TNFRSF11B: variants seen among roughly 807,000 people sequenced by gnomAD.
TNFRSF11B encodes TNF receptor superfamily member 11b, also known as tumor necrosis factor receptor superfamily member 11B.
A neutral mutation model predicts 43.4 loss-of-function variants in TNFRSF11B; 16 were observed. The ratio of observed to expected loss-of-function variants is 0.37; its 90% confidence interval spans 0.25 to 0.56. The LOEUF is 0.56. Ranked by LOEUF, TNFRSF11B falls within the 20% of genes least tolerant of loss-of-function variation. The pLI is 0.80. For synonymous variants in TNFRSF11B, 185 were observed against 181.8 expected, an observed-to-expected ratio of 1.02 and a Z score of -0.14; for missense variants, 444 against 490.1, an observed-to-expected ratio of 0.91 and a Z score of 0.89.
intron 1 of TNFRSF11B, among the ~76,000 whole-genome samples, chr8:118,941,105 G>A (rs1812478244): frequency 6.6e-6 from 1 of 152,162 alleles, no homozygotes; most frequent in South Asian, 2.1e-4. Context: ...AAATGATAGT[G>A]ATGACCGAAT....
At chr8:118,942,246 G>A (rs1302905976) in intron 1 of TNFRSF11B, among the ~76,000 whole-genome samples, 2 of 113,112 alleles carry the variant, frequency 1.8e-5, no homozygotes, top group East Asian at 5.0e-4. Flanking sequence ...AGGCCCCCCC[G>A]TGTGTGATGT....
chr8:118,925,154 G>A (rs1028955381), intron 4 of TNFRSF11B, among the ~76,000 whole-genome samples: 7 of 152,152 alleles, frequency 4.6e-5, no homozygotes, highest in Admixed American at 1.3e-4. Context: ...ATTAGTAGGC[G>A]CTAGTTGATA....
chr8:118,944,500 G>A (rs1281717625), intron 1 of TNFRSF11B, among the ~76,000 whole-genome samples: 1 of 152,128 alleles, frequency 6.6e-6, no homozygotes, highest in African/African-American at 2.4e-5. Context: ...CAAGCTTCTG[G>A]AAGGCAGAAG....
chr8:118,951,833 G>A lies in TNFRSF11B; in HGVS notation c.-12C>T. The A allele has an allele frequency of 6.3e-7, 1 of 1,586,316 alleles. No homozygotes were observed. Among genetic ancestry groups the A allele is most frequent in the Non-Finnish European group, 8.6e-7 (1 of 1,166,208 alleles). On this transcript the variant is annotated 5_prime_UTR_variant, in exon 1 of 5. Coordinates refer to ENST00000297350, the MANE Select transcript of TNFRSF11B (RefSeq NM_002546.4). The stretch of plus-strand genomic sequence containing the variant: ...AGCAAGTTGTTCATTGTGGTCCCCG[G>A]AAACCTCAGGGGCTTGGAGGCGGCG...
chr8:118,940,776 C>T (rs776693009), intron 1 of TNFRSF11B, among the ~76,000 whole-genome samples: 1 of 152,102 alleles, frequency 6.6e-6, no homozygotes, highest in Non-Finnish European at 1.5e-5. Flanking sequence ...GCACCTTGGA[C>T]ATGTTGATAA....
rs1477026960 is a variant in TNFRSF11B, at chr8:118,924,668, T to G, written c.912A>C (p.Gly304=). The G allele has an allele frequency of 4.3e-6, 7 of 1,614,164 alleles. No individual in the cohort carries two copies. Among genetic ancestry groups the G allele is most frequent in the Non-Finnish European group, 5.1e-6 (6 of 1,180,032 alleles). The change falls in exon 5 of 5, where the codon GGA becomes GGC. Residue 304 remains glycine, a synonymous_variant. Coordinates refer to ENST00000297350, the MANE Select transcript of TNFRSF11B (RefSeq NM_002546.4). ...CAATGTCTTCTGCTCCCACTTTCTTTCCCGGTAAGCTTTCCATCAAGCTAC... is the reference window on the plus strand; with the variant it reads ...CAATGTCTTCTGCTCCCACTTTCTTGCCCGGTAAGCTTTCCATCAAGCTAC... ...QLRSLMESLP[G]KKVGAEDIEK... is the part of the protein sequence containing the mutation.
chr8:118,924,783 G>T (rs1812226595), intron 4 of TNFRSF11B, 21 bp from the exon 5 acceptor site: 2 of 1,613,798 alleles, frequency 1.2e-6, no homozygotes, highest in African/African-American at 2.7e-5. Flanking sequence ...CAAAAGCCCA[G>T]ATAAGTGTTC....
chr8:118,929,569 T>G (rs1487546220), intron 2 of TNFRSF11B, among the ~76,000 whole-genome samples: 2 of 152,272 alleles, frequency 1.3e-5, no homozygotes, highest in African/African-American at 4.8e-5. Flanking sequence ...TTGCTTAAAC[T>G]GTTTAAAACA....
At position 118,928,764 on chromosome 8, in the gene TNFRSF11B, C is replaced by G; in HGVS notation, c.566G>C (p.Ser189Thr). Residue 189 changes from serine to threonine, a missense_variant, in exon 3 of 5, where the codon AGT becomes ACT. Physicochemically the swap from Ser to Thr is moderately conservative, Grantham distance 58. Transcript: ENST00000297350. ...ATHDNICSGN[S>T]ESTQKCGIDV... is the part of the protein sequence containing the mutation. ...TATTCCACATTTTTGAGTTGATTCA[C>G]TGTTTCCGGAACATATGTTGTCGTG... is the stretch of plus-strand genomic sequence containing the variant. 1 of 1,614,214 alleles carries G rather than the reference C, an allele frequency of 6.2e-7. No homozygotes were observed.
At chr8:118,928,606 C>G (rs1249650491) in intron 3 of TNFRSF11B, 132 bp downstream of exon 3, 1 of 998,026 alleles carries the variant, frequency 1.0e-6, no homozygotes, top group Non-Finnish European at 1.6e-6. Flanking sequence ...CGAGAGTAGC[C>G]TTAGCTGGTT....
Position 118,942,223 on chromosome 8 carries a change from C to A in TNFRSF11B, c.31-8923G>T, listed in dbSNP as rs1160792447. Among the ~76,000 whole-genome samples, 3 of 58,646 alleles carry A rather than the reference C, an allele frequency of 5.1e-5. No homozygotes were observed. The Admixed American group carries it at 5.2e-4, about 10-fold the overall frequency. 38.5% of individuals were successfully genotyped at this position (58,646 alleles called of 152,430 possible). On this transcript the variant is annotated intron_variant, in intron 1 of 4. Transcript: ENST00000297350. ...CCTAATGCTATCCCTTCCCCCTCCC[C>A]CCACCCCATGACAGGCCCCCCCGTG... is the stretch of plus-strand genomic sequence containing the variant.
intron 1 of TNFRSF11B, among the ~76,000 whole-genome samples, chr8:118,950,856 G>A (rs1812633203): frequency 6.6e-6 from 1 of 152,130 alleles, no homozygotes; most frequent in South Asian, 2.1e-4. Flanking sequence ...TTTGTGGGTT[G>A]GAGGTTGAAG....
In TNFRSF11B at chr8:118,924,741, C is replaced by T. The variant is rs201748894; in HGVS notation, c.839G>A (p.Ser280Asn). ...AGCATGTCCAATGTGCCGCTGCACG[C>T]TGTTTTCACAGAGGTCAATATCTGC... ...IIQDIDLCEN[S>N]VQRHIGHANL... is the part of the protein sequence containing the mutation. Residue 280 changes from serine to asparagine, a missense_variant, in exon 5 of 5, where the codon AGC becomes AAC. By Grantham distance (46) the Ser-to-Asn change is conservative (BLOSUM62 1). Coordinates refer to ENST00000297350, the MANE Select transcript of TNFRSF11B (RefSeq NM_002546.4). 1 of 1,614,188 alleles carries T rather than the reference C, an allele frequency of 6.2e-7. No homozygotes were observed. Among genetic ancestry groups the T allele is most frequent in the African/African-American group, 1.3e-5 (1 of 75,064 alleles).
chr8:118,929,046 G>T, intron 2 of TNFRSF11B, 117 bp from the exon 3 acceptor site: 2 of 876,880 alleles, frequency 2.3e-6, no homozygotes, highest in East Asian at 2.6e-5. Context: ...CTATTATGTT[G>T]CACAAAACTC....
chr8:118,931,940 A>T (rs1812335791), intron 2 of TNFRSF11B, among the ~76,000 whole-genome samples: 2 of 152,142 alleles, frequency 1.3e-5, no homozygotes, highest in Non-Finnish European at 2.9e-5. Flanking sequence ...TGGGGGAAGG[A>T]CTGCTATTGG....
chr8:118,945,421 A>G (rs1233155218), intron 1 of TNFRSF11B, among the ~76,000 whole-genome samples: 1 of 152,000 alleles, frequency 6.6e-6, no homozygotes, highest in East Asian at 1.9e-4. Context: ...GACTAAATAC[A>G]ACTGAGAACT....
intron 2 of TNFRSF11B, among the ~76,000 whole-genome samples, chr8:118,932,181 A>C (rs1259763534): frequency 2.0e-5 from 3 of 152,236 alleles, no homozygotes; most frequent in Non-Finnish European, 4.4e-5. Context: ...TATAGGCTGC[A>C]CTGAAGCTTC....
intron 1 of TNFRSF11B, among the ~76,000 whole-genome samples, chr8:118,934,371 A>T (rs11573900): frequency 0.028 from 4,294 of 152,248 alleles, 181 homozygotes; most frequent in African/African-American, 0.098. Flanking sequence ...AGCAGTCTTG[A>T]CTCTCATAGG....
At position 118,924,407 on chromosome 8, in the gene TNFRSF11B, G is replaced by T; in HGVS notation, c.1173C>A (p.Asn391Lys). Residue 391 changes from asparagine (N) to lysine (K), a missense_variant, in exon 5 of 5, where the codon AAC becomes AAA. Coordinates refer to ENST00000297350, the MANE Select transcript of TNFRSF11B (RefSeq NM_002546.4). ...AGCTTATTTTTACTGATTGGACCTG[G>T]TTACCTATCATTTCTAAAAATAACT... ...YQKLFLEMIG[N>K]QVQSVKISCL 6.2e-7 allele frequency: 1 copy of T among 1,614,096 alleles called. No individual in the cohort carries two copies. The highest frequency in any genetic ancestry group is 8.5e-7 in the Non-Finnish European group (1 of 1,179,958).
Sources: gnomAD v4.1 joint callset for allele counts (sites outside exome capture counted in the v4.1 genomes callset) on GRCh38, gnomAD v4.1.1 for gene constraint, MANE v1.5 for transcripts, NCBI Gene and HGNC (gene_info 2026-07-23, HGNC 2026-07-21) for gene names.